ANK3: variants seen among roughly 807,000 people sequenced by gnomAD.
The protein encoded by ANK3 is ankyrin 3.
ANK3 carries 57 observed loss-of-function variants against 370.9 expected under a neutral mutation model. The observed-to-expected ratio is 0.15, with a 90% CI of 0.12 to 0.19. The LOEUF (loss-of-function observed/expected upper bound fraction) is 0.19. Ranked by LOEUF, ANK3 falls within the 10% of genes least tolerant of loss-of-function variation. The probability of loss-of-function intolerance (pLI) is 1.00; values close to 1 mark genes in which losing one functional copy is unlikely to be tolerated. For missense variants in ANK3, 4,439 were observed against 5,302.1 expected (o/e 0.84, Z 5.06); for synonymous variants, 1,929 against 1,946.3 (o/e 0.99, Z 0.23).
chr10:60,104,320 G>A (rs1207457537), intron 28 of ANK3, among the ~76,000 whole-genome samples: 95 of 117,068 alleles, frequency 8.1e-4, no homozygotes, highest in African/African-American at 2.8e-3. Flanking sequence ...ATTGTGCCAC[G>A]GCACTCCAGC....
intron 2 of ANK3, among the ~76,000 whole-genome samples, chr10:60,430,635 G>T (rs374793955): frequency 6.6e-6 from 1 of 152,186 alleles, no homozygotes; most frequent in East Asian, 1.9e-4. Context: ...CTAGTTACAC[G>T]TATTACTGCT....
intron 2 of ANK3, among the ~76,000 whole-genome samples, chr10:60,590,987 G>A (rs1344652059): frequency 1.3e-5 from 2 of 152,156 alleles, no homozygotes; most frequent in African/African-American, 4.8e-5. Flanking sequence ...AAGACACCAT[G>A]CATAAAGGTG....
chr10:60,662,918 A>G (rs566502324), intron 1 of ANK3, among the ~76,000 whole-genome samples: 14 of 152,322 alleles, frequency 9.2e-5, no homozygotes, highest in African/African-American at 3.4e-4. Flanking sequence ...TTACTGGGAA[A>G]TTTACAGAAC....
intron 1 of ANK3, among the ~76,000 whole-genome samples, chr10:60,381,117 T>C (rs1031630226): frequency 2.6e-5 from 4 of 152,178 alleles, no homozygotes; most frequent in African/African-American, 9.6e-5. Context: ...AATTGGTTGG[T>C]AATGAATCTT....
intron 28 of ANK3, among the ~76,000 whole-genome samples, chr10:60,096,128 A>G (rs1739569278): frequency 6.6e-6 from 1 of 152,162 alleles, no homozygotes; most frequent in African/African-American, 2.4e-5. Context: ...AGCCAAGATC[A>G]TGCCACTGCA....
intron 2 of ANK3, among the ~76,000 whole-genome samples, chr10:60,582,907 G>T (rs1036143715): frequency 7.2e-5 from 11 of 151,976 alleles, no homozygotes; most frequent in Non-Finnish European, 1.6e-4. Flanking sequence ...AAGATTGCTG[G>T]TAGGACTCTA....
intron 8 of ANK3, among the ~76,000 whole-genome samples, chr10:60,229,880 T>C (rs1253156643): frequency 6.6e-6 from 1 of 152,190 alleles, no homozygotes; most frequent in Non-Finnish European, 1.5e-5. Context: ...ACCACGTGCA[T>C]CTTAGAGTTA....
At chr10:60,446,001 A>C (rs2064435913) in intron 2 of ANK3, among the ~76,000 whole-genome samples, 1 of 152,206 alleles carries the variant, frequency 6.6e-6, no homozygotes. Flanking sequence ...TTAAAATTAC[A>C]ACCTGTTTGT....
At chr10:60,294,193 T>A (rs1018704559) in intron 1 of ANK3, among the ~76,000 whole-genome samples, 1 of 152,222 alleles carries the variant, frequency 6.6e-6, no homozygotes, top group African/African-American at 2.4e-5. Flanking sequence ...AACAGCTTGA[T>A]TTTTAGTGTG....
chr10:60,508,041 T>C (rs1320967269), intron 2 of ANK3: 1 of 152,180 alleles, frequency 6.6e-6, no homozygotes. Flanking sequence ...CTAATAATAC[T>C]GTAGTCTTTA....
rs190795696 is a variant in ANK3 at position 60,217,231 on chromosome 10, T to G, written c.898-3721A>C. On this transcript the variant is annotated intron_variant, in intron 8 of 43. Coordinates refer to ENST00000280772, the MANE Select transcript of ANK3 (RefSeq NM_020987.5). ...AAAAAACAGTGCCTGGGTTCATTGA[T>G]TTTTTGGGGGGTTTTCACGTCTTTA... 2.2e-4 allele frequency among the ~76,000 whole-genome samples: 33 copies of G among 152,250 alleles called. 1 individual carries two copies. In the South Asian group the frequency reaches 6.9e-3, roughly 32 times the overall value.
intron 1 of ANK3, among the ~76,000 whole-genome samples, chr10:60,280,241 T>G (rs2098141447): frequency 6.6e-6 from 1 of 152,036 alleles, no homozygotes; most frequent in Admixed American, 6.6e-5. Flanking sequence ...TTTTTATTTT[T>G]TAGAGACGGG....
intron 25 of ANK3, among the ~76,000 whole-genome samples, chr10:60,126,258 C>T (rs1469560161): frequency 6.6e-6 from 1 of 152,166 alleles, no homozygotes; most frequent in Admixed American, 6.5e-5. Context: ...GAGAACAGGG[C>T]CAAACAGCTG....
At chr10:60,278,668 A>T in intron 4 of ANK3, 106 bp downstream of exon 4, 2 of 891,718 alleles carry the variant, frequency 2.2e-6, no homozygotes, top group Non-Finnish European at 3.6e-6. Flanking sequence ...TATAGTTCTT[A>T]AGTATTCTGT....
At chr10:60,052,277 G>A (rs2078209259) in intron 42 of ANK3, among the ~76,000 whole-genome samples, 1 of 152,104 alleles carries the variant, frequency 6.6e-6, no homozygotes, top group South Asian at 2.1e-4. Flanking sequence ...GCAGTGAGCT[G>A]AAATCGCGCC....
intron 2 of ANK3, among the ~76,000 whole-genome samples, chr10:60,492,706 C>CAAAAAAAAAAA (rs764367710): frequency 7.0e-5 from 4 of 57,498 alleles, no homozygotes; most frequent in African/African-American, 7.4e-5. Flanking sequence ...GACTCTGTCT[C>CAAAAAAAAAAA]AAAAAAAAAA....
rs1419783371 is a variant in ANK3, at chr10:60,122,988, T to C, written c.2842-8657A>G. Among the ~76,000 whole-genome samples the C allele has an allele frequency of 3.3e-5, 5 of 152,192 alleles. No individual in the cohort carries two copies. In the South Asian group the frequency reaches 1.0e-3, roughly 32 times the overall value. ...CACAACTTACTGTGCATCAGTTCAATGGTAAGGACTGACCTAGGCCCATAC... is the reference window on the plus strand; with the variant it reads ...CACAACTTACTGTGCATCAGTTCAACGGTAAGGACTGACCTAGGCCCATAC... On this transcript the variant is annotated intron_variant, in intron 25 of 43. Coordinates refer to ENST00000280772, the MANE Select transcript of ANK3 (RefSeq NM_020987.5).
At chr10:60,184,526 T>A (rs574696168) in intron 17 of ANK3, among the ~76,000 whole-genome samples, 20 of 152,314 alleles carry the variant, frequency 1.3e-4, no homozygotes, top group Admixed American at 7.2e-4. Context: ...AGCCAGTTGA[T>A]CTTTTAGAAT....
intron 2 of ANK3, among the ~76,000 whole-genome samples, chr10:60,586,900 G>C (rs754631052): frequency 2.0e-5 from 3 of 152,202 alleles, no homozygotes; most frequent in East Asian, 1.9e-4. Flanking sequence ...AAGATAAAAG[G>C]CTTCTGGGTC....
Sources: allele counts gnomAD v4.1 joint callset (sites outside exome capture counted in the v4.1 genomes callset), GRCh38; gene constraint gnomAD v4.1.1; transcripts MANE v1.5; gene names NCBI Gene and HGNC (gene_info 2026-07-23, HGNC 2026-07-21).